Variants in VDAC1 observed in about 807,000 individuals in gnomAD.
The protein encoded by VDAC1 is voltage dependent anion channel 1.
A neutral mutation model predicts 34.7 loss-of-function variants in VDAC1; 10 were observed. The ratio of observed to expected loss-of-function variants is 0.29; its 90% CI spans 0.18 to 0.49. VDAC1 has a LOEUF of 0.49. VDAC1 is among the 20% of genes least tolerant of loss of function. VDAC1 has a pLI of 0.99. For missense variants in VDAC1, 230 were observed against 347.9 expected (o/e 0.66, Z 2.69); for synonymous variants, 130 against 136.0 (o/e 0.96, Z 0.30).
At chr5:134,022,080 T>C in the VDAC1 span, among the ~76,000 whole-genome samples, 1 of 152,118 alleles carries the variant, frequency 6.6e-6, no homozygotes, top group Non-Finnish European at 1.5e-5. Flanking sequence ...GGTTTCTCCA[T>C]GTTGGTCAGG....
At chr5:134,036,668 A>AAG in the VDAC1 span, among the ~76,000 whole-genome samples, 2 of 151,118 alleles carry the variant, frequency 1.3e-5, no homozygotes, top group African/African-American at 4.9e-5. Flanking sequence ...TTAAAAAAAA[A>AAG]AAAGGCCGGG....
intron 5 of VDAC1, among the ~76,000 whole-genome samples, chr5:133,987,666 G>C (rs567817470): frequency 3.3e-5 from 5 of 152,182 alleles, no homozygotes; most frequent in Admixed American, 6.5e-5. Context: ...TTTGCCAAGC[G>C]TAACTGTTGC....
At chr5:133,990,975 T>A in intron 4 of VDAC1, 27 bp downstream of exon 4, 1 of 1,612,098 alleles carries the variant, frequency 6.2e-7, no homozygotes, top group Non-Finnish European at 8.5e-7. Flanking sequence ...AATTAATAAA[T>A]CCACATCTTT....
At chr5:134,113,365 G>A in the VDAC1 span, among the ~76,000 whole-genome samples, 1 of 152,224 alleles carries the variant, frequency 6.6e-6, no homozygotes, top group Non-Finnish European at 1.5e-5. Flanking sequence ...GGCGGGCACA[G>A]ATAGGATCTG....
chr5:134,090,292 G>A, the VDAC1 span, among the ~76,000 whole-genome samples: 1 of 152,126 alleles, frequency 6.6e-6, no homozygotes, highest in Non-Finnish European at 1.5e-5. Flanking sequence ...GCCCCCAAAC[G>A]CCTGGCGTTT....
intron 5 of VDAC1, among the ~76,000 whole-genome samples, chr5:133,989,721 G>T (rs1580721218): frequency 6.6e-6 from 1 of 150,912 alleles, no homozygotes; most frequent in East Asian, 2.0e-4. Flanking sequence ...GCAGTGCAAT[G>T]GCACCACCTT....
At chr5:134,013,393 C>G in the VDAC1 span, among the ~76,000 whole-genome samples, 1 of 152,136 alleles carries the variant, frequency 6.6e-6, no homozygotes, top group African/African-American at 2.4e-5. Context: ...TATGATCGCA[C>G]CTCTGCACTC....
the VDAC1 span, among the ~76,000 whole-genome samples, chr5:134,070,203 G>A: frequency 3.3e-5 from 5 of 152,242 alleles, no homozygotes; most frequent in East Asian, 1.9e-4. Flanking sequence ...GTGCAATGGC[G>A]TGATCTCGGC....
intron 8 of VDAC1, 93 bp downstream of exon 8, chr5:133,973,698 A>G (rs1186791054): frequency 1.1e-5 from 13 of 1,186,704 alleles, no homozygotes; most frequent in African/African-American, 1.5e-5. Context: ...ACTGTATTAT[A>G]TAAACATTTT....
the VDAC1 span, among the ~76,000 whole-genome samples, chr5:134,060,743 T>C: frequency 6.6e-6 from 1 of 151,776 alleles, no homozygotes; most frequent in Middle Eastern, 3.4e-3. Context: ...TTTGAAATTA[T>C]ACCTATAAAT....
At chr5:134,034,710 G>A in the VDAC1 span, among the ~76,000 whole-genome samples, 3 of 152,106 alleles carry the variant, frequency 2.0e-5, no homozygotes, top group Non-Finnish European at 4.4e-5. Context: ...CTAATGCAAG[G>A]TGCATGCTGG....
chr5:134,016,323 TAAG>T, the VDAC1 span, among the ~76,000 whole-genome samples: 1 of 152,170 alleles, frequency 6.6e-6, no homozygotes, highest in Non-Finnish European at 1.5e-5. Context: ...GTGGGTGTTG[TAAG>T]AAGAACTGGC....
the VDAC1 span, among the ~76,000 whole-genome samples, chr5:134,013,197 A>G: frequency 2.6e-5 from 4 of 152,276 alleles, no homozygotes; most frequent in East Asian, 7.7e-4. Flanking sequence ...AGAATTTATA[A>G]ATAACTAAGT....
the VDAC1 span, among the ~76,000 whole-genome samples, chr5:134,106,188 GTCC>G: frequency 6.6e-6 from 1 of 152,192 alleles, no homozygotes; most frequent in Non-Finnish European, 1.5e-5. Context: ...ACCTTCTTGG[GTCC>G]ACTTTCCCTA....
the VDAC1 span, among the ~76,000 whole-genome samples, chr5:134,063,188 A>C: frequency 6.6e-6 from 1 of 152,184 alleles, no homozygotes; most frequent in Non-Finnish European, 1.5e-5. Flanking sequence ...TATTTGTCTA[A>C]ATAAGAAATT....
At chr5:134,050,239 C>T in the VDAC1 span, among the ~76,000 whole-genome samples, 1 of 152,106 alleles carries the variant, frequency 6.6e-6, no homozygotes, top group Non-Finnish European at 1.5e-5. Context: ...AAGAGCAAGA[C>T]TCCGTCTAAA....
At position 133,992,951 on chromosome 5, in the gene VDAC1, C is replaced by G. The variant is rs769722060; in HGVS notation, c.62G>C (p.Gly21Ala). 6.2e-7 allele frequency: 1 copy of G among 1,613,646 alleles called. No homozygotes were observed. The highest frequency in any genetic ancestry group is 8.5e-7 in the Non-Finnish European group (1 of 1,179,702). ...GKSARDVFTK[G>A]YGFGLIKLDL... The stretch of plus-strand genomic sequence containing the variant: ...CCCCTCTCTGCAACACTCACCATAG[C>G]CCTTGGTGAAGACATCCCTGGCAGA... The change falls in exon 2 of 9, where the codon GGC becomes GCC. Residue 21 changes from glycine (G) to alanine (A), a missense_variant. Gly to Ala is a moderately conservative substitution (Grantham distance 60, BLOSUM62 0). Transcript: ENST00000265333.
At chr5:134,110,710 C>T in the VDAC1 span, among the ~76,000 whole-genome samples, 1 of 152,230 alleles carries the variant, frequency 6.6e-6, no homozygotes, top group East Asian at 1.9e-4. Context: ...GAAGAGACGC[C>T]GCTCACAACC....
chr5:134,047,999 A>G, the VDAC1 span, among the ~76,000 whole-genome samples: 2 of 151,464 alleles, frequency 1.3e-5, no homozygotes, highest in African/African-American at 4.9e-5. Flanking sequence ...AGCCTGGGCA[A>G]CAGAGTGAAC....
Sources: gnomAD v4.1 joint callset for allele counts (sites outside exome capture counted in the v4.1 genomes callset) on GRCh38, gnomAD v4.1.1 for gene constraint, MANE v1.5 for transcripts, NCBI Gene and HGNC (gene_info 2026-07-23, HGNC 2026-07-21) for gene names.